CBL: variants seen among roughly 807,000 people sequenced by gnomAD.
CBL encodes the protein Cbl proto-oncogene.
Under a neutral mutation model 96.9 loss-of-function variants are expected in CBL, and 45 were observed. The ratio of observed to expected loss-of-function variants is 0.46; its 90% CI spans 0.37 to 0.60. The LOEUF (loss-of-function observed/expected upper bound fraction) is 0.60. CBL is among the 20% of genes least tolerant of loss of function. The probability of loss-of-function intolerance (pLI) is 0.00; values close to 1 mark genes in which losing one functional copy is unlikely to be tolerated. For missense variants in CBL, 1,024 were observed against 1,143.5 expected, an observed-to-expected ratio of 0.90 and a Z score of 1.51; for synonymous variants, 420 against 426.8, an observed-to-expected ratio of 0.98 and a Z score of 0.20.
Position 119,271,879 on chromosome 11 carries a change from AAAGT to A in CBL, c.590+3_590+6del. 1 of 1,613,928 alleles carries A rather than the reference AAAGT, an allele frequency of 6.2e-7. No individual in the cohort carries two copies. Among genetic ancestry groups the A allele is most frequent in the Non-Finnish European group, 8.5e-7 (1 of 1,179,830 alleles). On this transcript the variant is annotated splice_donor_variant and coding_sequence_variant, in exon 3 of 16. Coordinates refer to ENST00000264033, the MANE Select transcript of CBL (RefSeq NM_005188.4). LOFTEE classifies it high-confidence loss of function. ...AATTTTGGAGAAAAGCTTTTGGGGA[AAAGT>A]AAGTCTCAGAATAATGAATTTGAAC...
chr11:119,257,537 A>C (rs757521257), intron 2 of CBL, among the ~76,000 whole-genome samples: 1 of 152,112 alleles, frequency 6.6e-6, no homozygotes, highest in Non-Finnish European at 1.5e-5. Context: ...CATTGCTTGC[A>C]TGTATTTTCT....
rs767315941 is a variant in CBL, at chr11:119,278,161, C to T, written c.1096-5C>T. ...TAATAGTCTTTTAATTTTTTTTAAT[C>T]AAAGGAACAATATGAATTATACTGT... On this transcript the variant is annotated splice_polypyrimidine_tract_variant and splice_region_variant and intron_variant, in intron 7 of 15. Coordinates refer to ENST00000264033, the MANE Select transcript of CBL (RefSeq NM_005188.4). The T allele has an allele frequency of 1.3e-6, 2 of 1,587,720 alleles. No homozygotes were observed. The highest frequency in any genetic ancestry group is 1.7e-5 in the Admixed American group (1 of 59,768).
chr11:119,279,440 A>G (rs190466489), intron 9 of CBL, among the ~76,000 whole-genome samples: 10 of 152,158 alleles, frequency 6.6e-5, no homozygotes, highest in South Asian at 4.2e-4. Context: ...GAGCCCAGCA[A>G]TTCGACATAG....
chr11:119,226,917 T>C (rs1039242754), intron 1 of CBL, among the ~76,000 whole-genome samples: 2 of 152,180 alleles, frequency 1.3e-5, no homozygotes, highest in African/African-American at 4.8e-5. Flanking sequence ...CACAAATCTC[T>C]CTCATTACCT....
intron 2 of CBL, among the ~76,000 whole-genome samples, chr11:119,242,959 C>G (rs1949598917): frequency 6.6e-6 from 1 of 151,840 alleles, no homozygotes; most frequent in African/African-American, 2.4e-5. Context: ...TTTAACCTTT[C>G]TGGGGTGGTG....
intron 2 of CBL, among the ~76,000 whole-genome samples, chr11:119,269,663 A>G (rs1232259398): frequency 6.6e-6 from 1 of 152,184 alleles, no homozygotes; most frequent in East Asian, 1.9e-4. Context: ...GAGGATTGTT[A>G]GGCAGTCAGT....
Position 119,300,049 on chromosome 11 carries a change from A to T in CBL, c.*268A>T. On this transcript the variant is annotated 3_prime_UTR_variant, in exon 16 of 16. Transcript: ENST00000264033. ...AGAGTGTGGATTATATTACATGATA[A>T]CCTACCTGGGGAACAGTCCAGAAAG... is the stretch of plus-strand genomic sequence containing the variant. 1 of 578,328 alleles carries T rather than the reference A, an allele frequency of 1.7e-6. No individual in the cohort carries two copies. Among genetic ancestry groups the T allele is most frequent in the Non-Finnish European group, 3.1e-6 (1 of 324,186 alleles). The allele number at this position is 578,328 out of a possible 1,614,324, so 35.8% of individuals were successfully genotyped here.
chr11:119,230,826 G>A (rs1949496968), intron 1 of CBL, among the ~76,000 whole-genome samples: 1 of 152,186 alleles, frequency 6.6e-6, no homozygotes, highest in Admixed American at 6.5e-5. Flanking sequence ...TAAATAGAAA[G>A]CACAAACAAG....
At chr11:119,225,016 G>A (rs1396599206) in intron 1 of CBL, among the ~76,000 whole-genome samples, 1 of 151,884 alleles carries the variant, frequency 6.6e-6, no homozygotes, top group Non-Finnish European at 1.5e-5. Flanking sequence ...AGAGGTATTA[G>A]GCAAGTACTC....
chr11:119,245,732 AAAAC>A (rs1443623588), intron 2 of CBL, among the ~76,000 whole-genome samples: 3 of 152,054 alleles, frequency 2.0e-5, no homozygotes, highest in Non-Finnish European at 4.4e-5. Context: ...TCCGTCTCAA[AAAAC>A]AAACAAAAAA....
In CBL at chr11:119,275,165, G is replaced by A. The variant is rs61594171; in HGVS notation, c.869+212G>A. On this transcript the variant is annotated intron_variant, in intron 5 of 15. Transcript: ENST00000264033. The stretch of plus-strand genomic sequence containing the variant: ...ACTTAAGAATTGAATTTATGGCCGG[G>A]CACAGTGGCTCACGCCTGTCATCCC... Among the ~76,000 whole-genome samples the A allele has an allele frequency of 4.4e-3, 663 of 152,334 alleles. 3 individuals are homozygous for A. The highest frequency in any genetic ancestry group is 0.015 in the African/African-American group (612 of 41,572).
chr11:119,260,939 C>CTTT (rs35248070), intron 2 of CBL, among the ~76,000 whole-genome samples: 4 of 89,924 alleles, frequency 4.4e-5, no homozygotes, highest in Admixed American at 1.2e-4. Context: ...TAAATCTCTA[C>CTTT]TTTTTTTTTT....
chr11:119,231,762 C>T (rs1949503388), intron 1 of CBL, among the ~76,000 whole-genome samples: 1 of 151,974 alleles, frequency 6.6e-6, no homozygotes, highest in Non-Finnish European at 1.5e-5. Flanking sequence ...AGATTTACCT[C>T]CCAGGGCAGT....
chr11:119,225,156 G>T (rs1350828967), intron 1 of CBL, among the ~76,000 whole-genome samples: 1 of 151,748 alleles, frequency 6.6e-6, no homozygotes, highest in Non-Finnish European at 1.5e-5. Context: ...GAGTGCAGTG[G>T]CGTGATCTCG....
chr11:119,255,222 G>A (rs551180048), intron 2 of CBL, among the ~76,000 whole-genome samples: 1 of 152,070 alleles, frequency 6.6e-6, no homozygotes, highest in African/African-American at 2.4e-5. Flanking sequence ...ACTGTGTGGA[G>A]CTTCGGGAAG....
chr11:119,245,159 A>G (rs892156910), intron 2 of CBL, among the ~76,000 whole-genome samples: 1 of 139,508 alleles, frequency 7.2e-6, no homozygotes, highest in Non-Finnish European at 1.5e-5. Flanking sequence ...GGTGTGAGCC[A>G]CCTTGCCCGA....
At chr11:119,214,154 A>G (rs1448899979) in intron 1 of CBL, among the ~76,000 whole-genome samples, 2 of 151,600 alleles carry the variant, frequency 1.3e-5, no homozygotes, top group Non-Finnish European at 2.9e-5. Flanking sequence ...TATGTTGGCC[A>G]GGTTGGTCTC....
rs1226755681 is a variant in CBL, at chr11:119,302,611, C to T, written c.*2830C>T. 4 of 231,628 alleles carry T rather than the reference C, an allele frequency of 1.7e-5. No individual in the cohort carries two copies. The highest frequency in any genetic ancestry group is 6.6e-5 in the African/African-American group (3 of 45,212). The allele number at this position is 231,628 out of a possible 1,614,324, so 14.3% of individuals were successfully genotyped here. ...TTGTATTCAGCCAGTCTCATGCTTT[C>T]CCTGGGTCTTCACGGATTGCTTTCC... On this transcript the variant is annotated 3_prime_UTR_variant, in exon 16 of 16. Transcript: ENST00000264033.
intron 1 of CBL, among the ~76,000 whole-genome samples, chr11:119,208,499 C>T (rs113290882): frequency 0.011 from 1,691 of 151,942 alleles, 31 homozygotes; most frequent in African/African-American, 0.039. Flanking sequence ...AAGACATTCT[C>T]GTGCCTCAGC....
Sources: gnomAD v4.1 joint callset for allele counts (sites outside exome capture counted in the v4.1 genomes callset) on GRCh38, gnomAD v4.1.1 for gene constraint, MANE v1.5 for transcripts, NCBI Gene and HGNC (gene_info 2026-07-23, HGNC 2026-07-21) for gene names.